LRPPRC: variants seen among roughly 807,000 people sequenced by gnomAD.
LRPPRC encodes the protein leucine-rich PPR motif-containing protein, mitochondrial.
In LRPPRC, 120 loss-of-function variants were observed where a neutral mutation model predicts 180.3. The ratio of observed to expected loss-of-function variants is 0.67; its 90% CI spans 0.57 to 0.77. LRPPRC has a LOEUF of 0.77. LRPPRC is among the 30% of genes least tolerant of loss of function. The probability of loss-of-function intolerance (pLI) is 0.00; values close to 1 mark genes in which losing one functional copy is unlikely to be tolerated. For synonymous variants in LRPPRC, 723 were observed against 600.0 expected (o/e 1.21, Z -3.00); for missense variants, 2,012 against 1,657.2 (o/e 1.21, Z -3.72).
At position 43,953,423 on chromosome 2, in the gene LRPPRC, A is replaced by C. The variant is rs1672981639; in HGVS notation, c.1650-2823T>G. Reference sequence around the variant, plus strand: ...ATGTTCCTGGAAGGAATCCGCTTAAACTTATTTTTACTATGTCAAGAATAA... The same window carrying C: ...ATGTTCCTGGAAGGAATCCGCTTAACCTTATTTTTACTATGTCAAGAATAA... On this transcript the variant is annotated intron_variant, in intron 14 of 37. Transcript: ENST00000260665. 1.3e-5 allele frequency among the ~76,000 whole-genome samples: 2 copies of C among 152,314 alleles called. 1 individual carries two copies. The highest frequency in any genetic ancestry group is 4.1e-4 in the South Asian group (2 of 4,832).
chr2:43,956,554 G>C (rs1183251497), intron 14 of LRPPRC, among the ~76,000 whole-genome samples: 1 of 150,674 alleles, frequency 6.6e-6, no homozygotes, highest in Non-Finnish European at 1.5e-5. Flanking sequence ...ATGAGAGAAA[G>C]TAGACACGGC....
chr2:43,991,357 CAGA>C (rs1302602996), intron 1 of LRPPRC, among the ~76,000 whole-genome samples: 2 of 152,084 alleles, frequency 1.3e-5, no homozygotes, highest in Non-Finnish European at 2.9e-5. Context: ...TTAATATTTG[CAGA>C]AGATTTTTCT....
At position 43,995,956 on chromosome 2, in the gene LRPPRC, C is replaced by T. The variant is rs953108245; in HGVS notation, c.-9G>A. 7.2e-6 allele frequency: 11 copies of T among 1,524,976 alleles called. No homozygotes were observed. The East Asian group carries it at 1.0e-4, about 14-fold the overall frequency. 94.5% of individuals were successfully genotyped at this position (1,524,976 alleles called of 1,614,324 possible). A position where few individuals can be genotyped will look rare whatever the true frequency, so the allele number is the denominator to read the frequency against. Reference sequence around the variant, plus strand: ...CTCAGCAGGGCTGCCATTGCTCGAACGTCCCCGCAGCGGGAAGCACGCTCC... The same window carrying T: ...CTCAGCAGGGCTGCCATTGCTCGAATGTCCCCGCAGCGGGAAGCACGCTCC... On this transcript the variant is annotated 5_prime_UTR_variant, in exon 1 of 38. Transcript: ENST00000260665.
intron 35 of LRPPRC, among the ~76,000 whole-genome samples, chr2:43,894,997 A>G (rs867970591): frequency 1.8e-4 from 28 of 152,344 alleles, no homozygotes; most frequent in Middle Eastern, 6.8e-3. Context: ...ATGAAATTGT[A>G]AAGAATTCAG....
chr2:43,889,827 A>T lies in LRPPRC; in HGVS notation c.4035T>A (p.Thr1345=). ...TSAKALYEHL[T]AKNTKLDDLF... Reference sequence around the variant, plus strand: ...GATCATCCAATTTTGTATTCTTTGCAGTCAAATGTTCATACAGTGCTTTAG... The same window carrying T: ...GATCATCCAATTTTGTATTCTTTGCTGTCAAATGTTCATACAGTGCTTTAG... Residue 1345 remains threonine (T), a synonymous_variant, in exon 37 of 38, where the codon ACT becomes ACA. Coordinates refer to ENST00000260665, the MANE Select transcript of LRPPRC (RefSeq NM_133259.4). 1 of 1,609,780 alleles carries T rather than the reference A, an allele frequency of 6.2e-7. No individual in the cohort carries two copies. Among genetic ancestry groups the T allele is most frequent in the Non-Finnish European group, 8.5e-7 (1 of 1,175,968 alleles).
intron 14 of LRPPRC, 96 bp downstream of exon 14, chr2:43,957,289 A>T: frequency 1.2e-6 from 1 of 868,334 alleles, no homozygotes; most frequent in Non-Finnish European, 2.0e-6. Flanking sequence ...ACACTGAAAG[A>T]TAAGAATATT....
At position 43,901,536 on chromosome 2, in the gene LRPPRC, G is replaced by A. The variant is rs753732396; in HGVS notation, c.3365-12C>T. 8 of 1,580,384 alleles carry A rather than the reference G, an allele frequency of 5.1e-6. No individual in the cohort carries two copies. In the South Asian group the frequency reaches 5.5e-5, roughly 11 times the overall value. On this transcript the variant is annotated splice_polypyrimidine_tract_variant and intron_variant, in intron 31 of 37. Coordinates refer to ENST00000260665, the MANE Select transcript of LRPPRC (RefSeq NM_133259.4). The stretch of plus-strand genomic sequence containing the variant: ...TGTTGTCACAGCCTCTAAAATACAA[G>A]AGCAGGAGATGGCTTTTCTTATATG...
rs370309719 is a variant in LRPPRC, at chr2:43,949,376, T to C, written c.1735+226A>G. Among the ~76,000 whole-genome samples the C allele has an allele frequency of 9.2e-5, 14 of 152,220 alleles. No homozygotes were observed. In the East Asian group the frequency reaches 2.5e-3, roughly 27 times the overall value. Reference sequence around the variant, plus strand: ...TGTTAGAAGAAACATTTCCCCAATATCTGAAAAGAAAAAGCCTCCCAACCC... The same window carrying C: ...TGTTAGAAGAAACATTTCCCCAATACCTGAAAAGAAAAAGCCTCCCAACCC... On this transcript the variant is annotated intron_variant, in intron 16 of 37. Coordinates refer to ENST00000260665, the MANE Select transcript of LRPPRC (RefSeq NM_133259.4).
chr2:43,984,810 T>C (rs1177283949), intron 1 of LRPPRC, among the ~76,000 whole-genome samples: 1 of 152,098 alleles, frequency 6.6e-6, no homozygotes, highest in Non-Finnish European at 1.5e-5. Context: ...AAAATTGATA[T>C]AACCACATAA....
intron 1 of LRPPRC, among the ~76,000 whole-genome samples, chr2:43,986,097 A>G (rs1037522104): frequency 6.6e-6 from 1 of 152,036 alleles, no homozygotes; most frequent in Admixed American, 6.6e-5. Flanking sequence ...TTTGCCATCT[A>G]TATGTCTTTT....
At chr2:43,906,911 G>A (rs1193139261) in intron 30 of LRPPRC, among the ~76,000 whole-genome samples, 3 of 152,064 alleles carry the variant, frequency 2.0e-5, no homozygotes, top group South Asian at 2.1e-4. Context: ...TGCTCAGTTT[G>A]ACTTTTCTCC....
intron 23 of LRPPRC, among the ~76,000 whole-genome samples, chr2:43,938,267 AAAGT>A (rs553951336): frequency 1.2e-4 from 19 of 152,296 alleles, no homozygotes; most frequent in African/African-American, 4.6e-4. Flanking sequence ...ACACTAATAA[AAAGT>A]AAGCAATCAT....
At chr2:43,970,341 C>T (rs1673748832) in intron 11 of LRPPRC, among the ~76,000 whole-genome samples, 1 of 152,204 alleles carries the variant, frequency 6.6e-6, no homozygotes. Context: ...TGCTCAATCA[C>T]TCGCTCAGGC....
intron 3 of LRPPRC, among the ~76,000 whole-genome samples, chr2:43,979,554 T>A (rs530833820): frequency 1.3e-5 from 2 of 152,344 alleles, no homozygotes; most frequent in Non-Finnish European, 2.9e-5. Context: ...AAATGGTATG[T>A]GCATTTATAA....
At chr2:43,951,455 G>A (rs867293709) in intron 14 of LRPPRC, among the ~76,000 whole-genome samples, 1 of 152,144 alleles carries the variant, frequency 6.6e-6, no homozygotes, top group Non-Finnish European at 1.5e-5. Flanking sequence ...AACTTGCCAT[G>A]GTTCCTTTGC....
At chr2:43,895,548 G>A (rs1428565283) in intron 35 of LRPPRC, among the ~76,000 whole-genome samples, 3 of 152,086 alleles carry the variant, frequency 2.0e-5, no homozygotes, top group South Asian at 2.1e-4. Flanking sequence ...TTAATCACAC[G>A]TATAAAAACA....
intron 14 of LRPPRC, among the ~76,000 whole-genome samples, chr2:43,952,015 G>C (rs1337775984): frequency 6.6e-6 from 1 of 152,132 alleles, no homozygotes; most frequent in African/African-American, 2.4e-5. Flanking sequence ...CTAACATGGA[G>C]AAACCCCATC....
In LRPPRC at chr2:43,995,976, C is replaced by T; in HGVS notation, c.-29G>A. On this transcript the variant is annotated 5_prime_UTR_variant, in exon 1 of 38. It adds an upstream start codon to the 5' untranslated region. Transcript: ENST00000260665. ...TCGAACGTCCCCGCAGCGGGAAGCACGCTCCGCCAGAAGGACAGGAGGAGC... is the reference window on the plus strand; with the variant it reads ...TCGAACGTCCCCGCAGCGGGAAGCATGCTCCGCCAGAAGGACAGGAGGAGC... The T allele has an allele frequency of 6.6e-7, 1 of 1,523,304 alleles. No individual in the cohort carries two copies. Among genetic ancestry groups the T allele is most frequent in the Non-Finnish European group, 8.8e-7 (1 of 1,141,992 alleles). The allele number at this position is 1,523,304 out of a possible 1,614,324, so 94.4% of individuals were successfully genotyped here. A position where few individuals can be genotyped will look rare whatever the true frequency, so the allele number is the denominator to read the frequency against.
chr2:43,890,674 C>A (rs1049831620), intron 36 of LRPPRC, among the ~76,000 whole-genome samples: 1 of 152,190 alleles, frequency 6.6e-6, no homozygotes, highest in Admixed American at 6.5e-5. Flanking sequence ...GATGGTGCCA[C>A]TGCACTCCAG....
Sources: gnomAD v4.1 joint callset for allele counts (sites outside exome capture counted in the v4.1 genomes callset) on GRCh38, gnomAD v4.1.1 for gene constraint, MANE v1.5 for transcripts, NCBI Gene and HGNC (gene_info 2026-07-23, HGNC 2026-07-21) for gene names.